OSGEPL1: variants seen among roughly 807,000 people sequenced by gnomAD.
OSGEPL1 encodes the protein tRNA N6-adenosine threonylcarbamoyltransferase, mitochondrial.
In OSGEPL1, 26 loss-of-function variants were observed where a neutral mutation model predicts 37.2. The ratio of observed to expected loss-of-function variants is 0.70; its 90% CI spans 0.51 to 0.97. The LOEUF (loss-of-function observed/expected upper bound fraction) is 0.97, where lower values mean the gene tolerates loss of function less well. Among genes scored for constraint, OSGEPL1 ranks in the 50% least tolerant of loss-of-function variants. OSGEPL1 has a pLI of 0.00. For synonymous variants in OSGEPL1, 140 were observed against 159.9 expected, an observed-to-expected ratio of 0.88 and a Z score of 0.94; for missense variants, 404 against 487.0, an observed-to-expected ratio of 0.83 and a Z score of 1.60.
At chr2:189,759,763 A>T (rs998797964) in intron 2 of OSGEPL1, among the ~76,000 whole-genome samples, 13 of 141,272 alleles carry the variant, frequency 9.2e-5, no homozygotes, top group South Asian at 2.2e-4. Flanking sequence ...TTATTTATTT[A>T]TTTTTTTAGT....
chr2:189,757,631 G>A (rs1360710456), intron 2 of OSGEPL1, among the ~76,000 whole-genome samples: 1 of 152,196 alleles, frequency 6.6e-6, no homozygotes, highest in East Asian at 1.9e-4. Context: ...GTAGTAAATG[G>A]TTGAACCAGA....
At chr2:189,753,140 G>T in intron 5 of OSGEPL1, 161 bp from the exon 6 acceptor site, 1 of 515,002 alleles carries the variant, frequency 1.9e-6, no homozygotes, top group South Asian at 5.3e-5. Flanking sequence ...AATTTGGAAA[G>T]AAAAAAATTA....
intron 1 of OSGEPL1, among the ~76,000 whole-genome samples, chr2:189,762,184 A>G (rs1452347129): frequency 6.6e-6 from 1 of 152,246 alleles, no homozygotes; most frequent in Non-Finnish European, 1.5e-5. Context: ...CTTAATTGCA[A>G]TCTTTGGAAT....
intron 7 of OSGEPL1, among the ~76,000 whole-genome samples, chr2:189,752,441 C>G (rs2045415221): frequency 6.6e-6 from 1 of 152,224 alleles, no homozygotes; most frequent in African/African-American, 2.4e-5. Context: ...GTTTCTAACT[C>G]ACCTAAACTT....
In OSGEPL1 at chr2:189,752,858, A is replaced by G. The variant is rs2045492013; in HGVS notation, c.1085T>C (p.Met362Thr). 6.2e-7 allele frequency: 1 copy of G among 1,613,662 alleles called. No individual in the cohort carries two copies. The highest frequency in any genetic ancestry group is 1.3e-5 in the African/African-American group (1 of 74,934). Residue 362 changes from methionine (M) to threonine (T), a missense_variant, in exon 6 of 9, where the codon ATG (methionine) becomes ACG (threonine). Transcript: ENST00000264151. ...PPRLCTDNGIMIAWNGIERLR... is the reference protein window; with the variant it reads ...PPRLCTDNGITIAWNGIERLR... ...ATATCCTGTGGCTTACCATGCAATC[A>G]TAATGCCATTATCAGTGCATAGTCT...
chr2:189,755,685 A>T, intron 2 of OSGEPL1, 125 bp from the exon 3 acceptor site: 1 of 1,009,030 alleles, frequency 9.9e-7, no homozygotes, highest in Non-Finnish European at 1.4e-6. Context: ...GTATTTTCTA[A>T]TTGTGTGCCT....
intron 2 of OSGEPL1, among the ~76,000 whole-genome samples, chr2:189,759,005 G>C (rs1172935045): frequency 6.6e-6 from 1 of 152,160 alleles, no homozygotes; most frequent in Non-Finnish European, 1.5e-5. Context: ...GTTACTGTCT[G>C]CACCACTTGT....
At position 189,762,709 on chromosome 2, in the gene OSGEPL1, G is replaced by C. The variant is rs907625384; in HGVS notation, c.-45C>G. On this transcript the variant is annotated 5_prime_UTR_variant, in exon 1 of 9. Transcript: ENST00000264151. ...CCTTCCACTTGGGCGGCAGTAGCTA[G>C]CACTTGTCTCCTTTCCCTACTAAAG... The C allele has an allele frequency of 1.0e-6, 1 of 985,380 alleles. No individual in the cohort carries two copies. The highest frequency in any genetic ancestry group is 1.7e-5 in the African/African-American group (1 of 57,328). The allele number at this position is 985,380 out of a possible 1,614,324, so 61.0% of individuals were successfully genotyped here.
intron 2 of OSGEPL1, among the ~76,000 whole-genome samples, chr2:189,758,013 T>G (rs944470983): frequency 2.0e-5 from 3 of 152,198 alleles, no homozygotes; most frequent in African/African-American, 7.2e-5. Flanking sequence ...TGGTGGGAGA[T>G]GACTACATCA....
intron 2 of OSGEPL1, among the ~76,000 whole-genome samples, chr2:189,760,893 C>A (rs2046953409): frequency 6.6e-6 from 1 of 152,178 alleles, no homozygotes; most frequent in South Asian, 2.1e-4. Flanking sequence ...CTGGCTAGAG[C>A]TGAGTAGTGA....
intron 8 of OSGEPL1, among the ~76,000 whole-genome samples, chr2:189,749,159 T>C (rs926137303): frequency 1.6e-4 from 23 of 147,376 alleles, no homozygotes; most frequent in African/African-American, 5.5e-4. Context: ...GACAGGAGAA[T>C]TGCTTGAACC....
intron 2 of OSGEPL1, among the ~76,000 whole-genome samples, chr2:189,760,440 A>G (rs2046865053): frequency 6.6e-6 from 1 of 152,208 alleles, no homozygotes; most frequent in South Asian, 2.1e-4. Context: ...ACCTCCCAAG[A>G]GTATTTTAAT....
At chr2:189,758,367 G>A (rs1395308427) in intron 2 of OSGEPL1, among the ~76,000 whole-genome samples, 1 of 151,726 alleles carries the variant, frequency 6.6e-6, no homozygotes, top group Middle Eastern at 3.2e-3. Context: ...GGCAACAAGA[G>A]CAAAACTCCA....
intron 8 of OSGEPL1, among the ~76,000 whole-genome samples, chr2:189,749,017 C>A (rs1216553221): frequency 6.6e-6 from 1 of 151,864 alleles, no homozygotes; most frequent in East Asian, 1.9e-4. Flanking sequence ...GAGGCCAAGG[C>A]GGGTGGATCA....
intron 8 of OSGEPL1, among the ~76,000 whole-genome samples, chr2:189,747,943 C>G (rs2044414260): frequency 6.6e-6 from 1 of 152,164 alleles, no homozygotes; most frequent in Non-Finnish European, 1.5e-5. Flanking sequence ...ACCTTGGCCT[C>G]CCAAAGTGCT....
Position 189,750,539 on chromosome 2 carries a change from C to T in OSGEPL1, c.*28+11G>A. The stretch of plus-strand genomic sequence containing the variant: ...AAAACAATAAAAACTTAATTTTAAC[C>T]TTAATACTACCTTTAGGGACTTTTT... On this transcript the variant is annotated intron_variant, in intron 8 of 8. Coordinates refer to ENST00000264151, the MANE Select transcript of OSGEPL1 (RefSeq NM_022353.3). 2 of 1,095,624 alleles carry T rather than the reference C, an allele frequency of 1.8e-6. No homozygotes were observed. Among genetic ancestry groups the T allele is most frequent in the Admixed American group, 2.2e-5 (1 of 45,266 alleles). The allele number at this position is 1,095,624 out of a possible 1,614,324, so 67.9% of individuals were successfully genotyped here.
rs555945990 is a variant in OSGEPL1 at position 189,762,759 on chromosome 2, A to T, written c.-95T>A. The T allele has an allele frequency of 1.0e-6, 1 of 985,396 alleles. No individual in the cohort carries two copies. The highest frequency in any genetic ancestry group is 1.7e-5 in the African/African-American group (1 of 57,226). 61.0% of individuals were successfully genotyped at this position (985,396 alleles called of 1,614,324 possible). On this transcript the variant is annotated 5_prime_UTR_variant, in exon 1 of 9. Coordinates refer to ENST00000264151, the MANE Select transcript of OSGEPL1 (RefSeq NM_022353.3). ...GACTGTCGACTGCCCTTATCGCTGCAGGAGAAAGCCCGAACCTGGCGCCCG... is the reference window on the plus strand; with the variant it reads ...GACTGTCGACTGCCCTTATCGCTGCTGGAGAAAGCCCGAACCTGGCGCCCG...
intron 8 of OSGEPL1, among the ~76,000 whole-genome samples, chr2:189,748,453 G>T (rs1194600743): frequency 6.6e-6 from 1 of 152,036 alleles, no homozygotes; most frequent in Non-Finnish European, 1.5e-5. Flanking sequence ...CGAATTCCTG[G>T]CCTCAAGTGA....
chr2:189,760,808 A>T (rs916640052), intron 2 of OSGEPL1, among the ~76,000 whole-genome samples: 1 of 152,112 alleles, frequency 6.6e-6, no homozygotes, highest in Non-Finnish European at 1.5e-5. Context: ...AAAAGAAAAA[A>T]AAAATCTGGA....
Sources: allele counts gnomAD v4.1 joint callset (sites outside exome capture counted in the v4.1 genomes callset), GRCh38; gene constraint gnomAD v4.1.1; transcripts MANE v1.5; gene names NCBI Gene and HGNC (gene_info 2026-07-23, HGNC 2026-07-21).